The following MYLK variants were observed in gnomAD, a reference collection of about 807,000 sequenced individuals.
MYLK encodes myosin light chain kinase.
Under a neutral mutation model 203.4 loss-of-function variants are expected in MYLK, and 106 were observed. The ratio of observed to expected loss-of-function variants is 0.52; its 90% confidence interval spans 0.45 to 0.61. The LOEUF is 0.61. Ranked by LOEUF, MYLK falls within the 20% of genes least tolerant of loss-of-function variation. The pLI is 0.00. For missense variants in MYLK, 2,072 were observed against 2,442.3 expected (o/e 0.85, Z 3.20); for synonymous variants, 867 against 959.5 (o/e 0.90, Z 1.78).
chr3:123,633,136 A>C (rs1004997471), intron 29 of MYLK, among the ~76,000 whole-genome samples: 4 of 150,968 alleles, frequency 2.6e-5, no homozygotes, highest in African/African-American at 9.8e-5. Context: ...ATTTCTTTTT[A>C]TTTTTTTGAG....
At chr3:123,790,261 C>T (rs2064723026) in intron 4 of MYLK, among the ~76,000 whole-genome samples, 1 of 152,186 alleles carries the variant, frequency 6.6e-6, no homozygotes, top group African/African-American at 2.4e-5. Context: ...TTCCTTTAAT[C>T]AGAAAAGCAA....
At chr3:123,632,855 A>G (rs2108040870) in intron 29 of MYLK, among the ~76,000 whole-genome samples, 1 of 136,722 alleles carries the variant, frequency 7.3e-6, no homozygotes, top group South Asian at 2.3e-4. Flanking sequence ...CCCAGGTTGG[A>G]GTGCAGTAGT....
chr3:123,851,147 G>A (rs142775114), intron 2 of MYLK, among the ~76,000 whole-genome samples: 88 of 152,242 alleles, frequency 5.8e-4, no homozygotes, highest in African/African-American at 1.9e-3. Flanking sequence ...GGTTACTGTC[G>A]CCTTGTAGTA....
intron 22 of MYLK, 53 bp downstream of exon 22, chr3:123,666,166 G>C (rs2059727338): frequency 6.2e-7 from 1 of 1,613,974 alleles, no homozygotes; most frequent in African/African-American, 1.3e-5. Context: ...CGGTCCAAAG[G>C]CTGTACGGAT....
chr3:123,777,608 A>T (rs913114729), intron 4 of MYLK, among the ~76,000 whole-genome samples: 5 of 152,216 alleles, frequency 3.3e-5, no homozygotes, highest in African/African-American at 1.2e-4. Context: ...TGAGGGCCAC[A>T]AGGCAGATGA....
chr3:123,865,631 G>A (rs116958714), intron 2 of MYLK, among the ~76,000 whole-genome samples: 1 of 152,220 alleles, frequency 6.6e-6, no homozygotes, highest in Admixed American at 6.5e-5. Context: ...GAGTGAGGTA[G>A]AGAACAGGTA....
At chr3:123,652,266 C>T (rs1385431636) in intron 24 of MYLK, among the ~76,000 whole-genome samples, 1 of 151,578 alleles carries the variant, frequency 6.6e-6, no homozygotes, top group Non-Finnish European at 1.5e-5. Flanking sequence ...TCCATCTTTC[C>T]ACTAGGGAAG....
chr3:123,613,789 T>C lies in MYLK; in HGVS notation c.*316A>G, dbSNP rs777039384. On this transcript the variant is annotated 3_prime_UTR_variant, in exon 34 of 34. Coordinates refer to ENST00000360304, the MANE Select transcript of MYLK (RefSeq NM_053025.4). Reference sequence around the variant, plus strand: ...CATGAGCGCATTCAAGTGGAGAATTTATGACTTTGCCCAGATAAATATTTG... The same window carrying C: ...CATGAGCGCATTCAAGTGGAGAATTCATGACTTTGCCCAGATAAATATTTG... The C allele has an allele frequency of 1.1e-5, 4 of 365,278 alleles. No individual in the cohort carries two copies. The highest frequency in any genetic ancestry group is 2.1e-5 in the African/African-American group (1 of 47,480). The allele number at this position is 365,278 out of a possible 1,614,324, so 22.6% of individuals were successfully genotyped here.
At chr3:123,845,805 T>C (rs1307449063) in intron 2 of MYLK, among the ~76,000 whole-genome samples, 1 of 152,110 alleles carries the variant, frequency 6.6e-6, no homozygotes, top group Non-Finnish European at 1.5e-5. Context: ...AGCTACACAC[T>C]TCTATGCCCA....
intron 29 of MYLK, among the ~76,000 whole-genome samples, chr3:123,632,802 T>A (rs1049310571): frequency 5.7e-5 from 8 of 139,280 alleles, no homozygotes; most frequent in Non-Finnish European, 1.0e-4. Flanking sequence ...ATCATGTCTT[T>A]TAATTTTTTT....
chr3:123,813,222 G>A (rs2065621467), intron 3 of MYLK, among the ~76,000 whole-genome samples: 1 of 152,200 alleles, frequency 6.6e-6, no homozygotes, highest in African/African-American at 2.4e-5. Context: ...AATAGGGGAA[G>A]GTTCAGCTGG....
chr3:123,883,850 C>A (rs953833887), intron 1 of MYLK, among the ~76,000 whole-genome samples: 2 of 152,304 alleles, frequency 1.3e-5, no homozygotes, highest in East Asian at 3.9e-4. Flanking sequence ...ACGTGGCACC[C>A]CCTTCCCAGA....
At chr3:123,737,336 C>T in intron 8 of MYLK, 42 bp downstream of exon 8, 1 of 1,613,856 alleles carries the variant, frequency 6.2e-7, no homozygotes, top group Non-Finnish European at 8.5e-7. Context: ...GGTGCGGCAC[C>T]AGGCAGGGAT....
At chr3:123,756,955 A>G (rs2063376868) in intron 4 of MYLK, among the ~76,000 whole-genome samples, 1 of 152,210 alleles carries the variant, frequency 6.6e-6, no homozygotes, top group South Asian at 2.1e-4. Context: ...CCAGCTTCAT[A>G]AAATGTCCTC....
Position 123,700,208 on chromosome 3 carries a change from T to G in MYLK, c.3260A>C (p.Asn1087Thr), listed in dbSNP as rs1409950058. The G allele has an allele frequency of 6.2e-7, 1 of 1,613,858 alleles. No individual in the cohort carries two copies. The highest frequency in any genetic ancestry group is 2.2e-5 in the East Asian group (1 of 44,854). Residue 1087 changes from asparagine to threonine, a missense_variant, in exon 18 of 34, where the codon AAT becomes ACT. This residue lies in a region of MYLK where 865 missense variants were observed against 1,016.0 expected (regional missense o/e 0.85). Coordinates refer to ENST00000360304, the MANE Select transcript of MYLK (RefSeq NM_053025.4). Reference protein sequence around the residue: ...CKRGHAGTTDNEKRSESQGTA... With the variant: ...CKRGHAGTTDTEKRSESQGTA... ...CCCCTGGCTCTCTGATCTCTTTTCA[T>G]TATCTGTGGTCCCTGCATGGCCTCT...
At chr3:123,771,260 A>C (rs1205809720) in intron 4 of MYLK, among the ~76,000 whole-genome samples, 1 of 152,106 alleles carries the variant, frequency 6.6e-6, no homozygotes, top group Non-Finnish European at 1.5e-5. Context: ...ACTTTTTTTA[A>C]GTTAATTTTC....
At chr3:123,781,036 G>A (rs1475539703) in intron 4 of MYLK, among the ~76,000 whole-genome samples, 1 of 152,152 alleles carries the variant, frequency 6.6e-6, no homozygotes, top group African/African-American at 2.4e-5. Context: ...ACAGATTAGG[G>A]GTCCGGGCTC....
rs762477499 is a variant in MYLK, at chr3:123,738,925, C to A, written c.560G>T (p.Arg187Leu). The change falls in exon 7 of 34, where the codon CGG becomes CTG. Residue 187 changes from arginine to leucine, a missense_variant. Arg to Leu is a moderately radical substitution (Grantham distance 102). Transcript: ENST00000360304. The part of the protein sequence containing the change: ...MGRFSCKITG[R>L]PQPQVTWLKG... ...GAGCCAGGTGACCTGCGGTTGGGGC[C>A]GGCCAGTGATCTTGCAGGAGAATCG... The A allele has an allele frequency of 1.9e-6, 3 of 1,612,054 alleles. No individual in the cohort carries two copies. Among genetic ancestry groups the A allele is most frequent in the African/African-American group, 1.3e-5 (1 of 74,894 alleles).
chr3:123,777,059 C>G (rs1382421348), intron 4 of MYLK, among the ~76,000 whole-genome samples: 1 of 152,240 alleles, frequency 6.6e-6, no homozygotes, highest in East Asian at 1.9e-4. Context: ...TATCTGCTTT[C>G]TTAAGTAGAA....
Sources: allele counts gnomAD v4.1 joint callset (sites outside exome capture counted in the v4.1 genomes callset), GRCh38; gene constraint gnomAD v4.1.1; regional missense constraint gnomAD v4.1.1; transcripts MANE v1.5; gene names NCBI Gene and HGNC (gene_info 2026-07-23, HGNC 2026-07-21).